TOP1MT: variants seen among roughly 807,000 people sequenced by gnomAD.
TOP1MT encodes the protein DNA topoisomerase I mitochondrial, also known as DNA topoisomerase I, mitochondrial.
Under a neutral mutation model 73.9 loss-of-function variants are expected in TOP1MT, and 80 were observed. That is an observed-to-expected ratio of 1.08 (90% CI 0.90 to 1.30). The LOEUF (loss-of-function observed/expected upper bound fraction) is 1.30. TOP1MT is among the 50% of genes most tolerant of loss of function. TOP1MT has a pLI of 0.00. For missense variants in TOP1MT, 815 were observed against 808.0 expected (o/e 1.01, Z -0.10); for synonymous variants, 338 against 326.4 (o/e 1.04, Z -0.38).
chr8:143,353,707 A>T (rs906194391), intron 1 of TOP1MT, among the ~76,000 whole-genome samples: 2 of 152,056 alleles, frequency 1.3e-5, no homozygotes, highest in African/African-American at 4.8e-5. Context: ...TTGGGGCCGG[A>T]CATGGTGGCT....
intron 1 of TOP1MT, among the ~76,000 whole-genome samples, chr8:143,352,043 T>C (rs1322416645): frequency 6.6e-6 from 1 of 152,228 alleles, no homozygotes; most frequent in Non-Finnish European, 1.5e-5. Context: ...GATTGTGCCA[T>C]TGCACTGCAG....
upstream of TOP1MT, among the ~76,000 whole-genome samples, chr8:143,347,431 A>G (rs531064804): frequency 2.6e-5 from 4 of 152,342 alleles, no homozygotes; most frequent in East Asian, 3.9e-4. Flanking sequence ...CTGGGATTAC[A>G]GGCATGAGCC....
rs1407445079 is a variant in TOP1MT, at chr8:143,321,656, CCA to C, written c.961-272_961-271del. On this transcript the variant is annotated intron_variant, in intron 7 of 13. Transcript: ENST00000329245. ...CACAGGCACGCCACACACAGGCACG[CCA>C]CACACACGCACGCCACACACGCACG... Among the ~76,000 whole-genome samples the C allele has an allele frequency of 2.4e-3, 194 of 80,334 alleles. 7 individuals are homozygous for C. The highest frequency in any genetic ancestry group is 4.5e-3 in the African/African-American group (96 of 21,526). 52.7% of individuals were successfully genotyped at this position (80,334 alleles called of 152,430 possible). A position where few individuals can be genotyped will look rare whatever the true frequency, so the allele number is the denominator to read the frequency against.
chr8:143,345,278 C>T (rs1222380076), upstream of TOP1MT, among the ~76,000 whole-genome samples: 1 of 152,236 alleles, frequency 6.6e-6, no homozygotes, highest in Non-Finnish European at 1.5e-5. Flanking sequence ...CACAAGCCCA[C>T]TGGCAGCCGA....
chr8:143,321,796 C>CCACACACGCACGCTACA (rs1563758315), intron 7 of TOP1MT, among the ~76,000 whole-genome samples: 1 of 39,552 alleles, frequency 2.5e-5, no homozygotes, highest in Non-Finnish European at 5.5e-5. Context: ...CACACGCACG[C>CCACACACGCACGCTACA]CACACACGCA....
chr8:143,323,086 A>G lies in TOP1MT; in HGVS notation c.960+913T>C, dbSNP rs555096075. 8.5e-3 allele frequency among the ~76,000 whole-genome samples: 1,099 copies of G among 128,998 alleles called. 1 individual carries two copies. Among genetic ancestry groups the G allele is most frequent in the African/African-American group, 0.034 (1,053 of 31,074 alleles). The allele number at this position is 128,998 out of a possible 152,430, so 84.6% of individuals were successfully genotyped here. Reference sequence around the variant, plus strand: ...GGCACACCACACACGCACGCCACACACAGGCATGCCAAACACGCACGCCAC... The same window carrying G: ...GGCACACCACACACGCACGCCACACGCAGGCATGCCAAACACGCACGCCAC... On this transcript the variant is annotated intron_variant, in intron 7 of 13. Coordinates refer to ENST00000329245, the MANE Select transcript of TOP1MT (RefSeq NM_052963.3).
At chr8:143,315,965 G>C (rs905251378) in intron 11 of TOP1MT, 34 bp downstream of exon 11, 3 of 1,613,920 alleles carry the variant, frequency 1.9e-6, no homozygotes, top group Non-Finnish European at 8.5e-7. Flanking sequence ...GGTCCCTTGA[G>C]GGCTGGGCTG....
intron 1 of TOP1MT, among the ~76,000 whole-genome samples, chr8:143,353,039 C>T (rs956291483): frequency 6.6e-6 from 1 of 152,186 alleles, no homozygotes; most frequent in East Asian, 1.9e-4. Context: ...AGCAAAAAGA[C>T]AATCCACAGA....
chr8:143,329,477 G>GGCATCGGAAGACACATC lies in TOP1MT; in HGVS notation c.239-23_239-7dup, dbSNP rs768466254. The GGCATCGGAAGACACATC allele has an allele frequency of 6.8e-6, 11 of 1,606,962 alleles. No individual in the cohort carries two copies. In the South Asian group the frequency reaches 8.9e-5, roughly 13 times the overall value. On this transcript the variant is annotated splice_region_variant and splice_polypyrimidine_tract_variant and intron_variant, in intron 2 of 13. Coordinates refer to ENST00000329245, the MANE Select transcript of TOP1MT (RefSeq NM_052963.3). The stretch of plus-strand genomic sequence containing the variant: ...GCTCAATCTCACAGGCCTTCCTGCA[G>GGCATCGGAAGACACATC]GCATCGGAAGACACATCGTATGAGA...
chr8:143,317,928 C>G lies in TOP1MT; in HGVS notation c.1215+90G>C, dbSNP rs749497464. ...GGAAAGGACATGTCAGCCGTTGGGT[C>G]AGGACAAAACCCTGGGCCAGACTCA... is the stretch of plus-strand genomic sequence containing the variant. On this transcript the variant is annotated intron_variant, in intron 9 of 13. Coordinates refer to ENST00000329245, the MANE Select transcript of TOP1MT (RefSeq NM_052963.3). 1.0e-5 allele frequency: 16 copies of G among 1,592,868 alleles called. No homozygotes were observed. The Admixed American group carries it at 2.2e-4, about 22-fold the overall frequency.
At chr8:143,336,555 C>A (rs947379494), upstream of TOP1MT, among the ~76,000 whole-genome samples, 1 of 152,172 alleles carries the variant, frequency 6.6e-6, no homozygotes, top group African/African-American at 2.4e-5. Context: ...ACCACTGCCT[C>A]TCAACATGGT....
chr8:143,339,663 G>GCCAGCACTGTAGCATTCCCACATTC (rs1260707489), upstream of TOP1MT, among the ~76,000 whole-genome samples: 7 of 152,138 alleles, frequency 4.6e-5, no homozygotes, highest in African/African-American at 7.2e-5. Context: ...GCAGGCAAAG[G>GCCAGCACTGTAGCATTCCCACATTC]CCAGCACTGT....
rs1817092536 is a variant in TOP1MT at position 143,341,929 on chromosome 8, G to A, written c.29+1291C>T. 6.7e-6 allele frequency among the ~76,000 whole-genome samples: 1 copy of A among 149,552 alleles called. No individual in the cohort carries two copies. Among genetic ancestry groups the A allele is most frequent in the African/African-American group, 2.5e-5 (1 of 39,828 alleles). On this transcript the variant is annotated intron_variant, in intron 2 of 5. Transcript: ENST00000518007. The surrounding 1 kb of genome is among the most constrained non-coding windows in gnomAD (Gnocchi z 4.1). ...TCACTCTGTTATTATTATTATTATT[G>A]AGACAGAGTCTCGCTCTGTTATTAT...
rs13272654 is a variant in TOP1MT, at chr8:143,341,073, G to C, written c.29+2147C>G. 0.067 allele frequency among the ~76,000 whole-genome samples: 10,235 copies of C among 152,158 alleles called. 449 individuals are homozygous for C. Among genetic ancestry groups the C allele is most frequent in the Non-Finnish European group, 0.092 (6,284 of 67,998 alleles). On this transcript the variant is annotated intron_variant, in intron 2 of 5. Transcript: ENST00000518007. This position sits in a 1 kb window ranked among gnomAD's most constrained non-coding sequence, Gnocchi z 4.1. ...CGCGCTCCTCCCCAGCTCCCACGGCGGCCCCTGCACTCTTCCGCTCCCCAC... is the reference window on the plus strand; with the variant it reads ...CGCGCTCCTCCCCAGCTCCCACGGCCGCCCCTGCACTCTTCCGCTCCCCAC...
upstream of TOP1MT, among the ~76,000 whole-genome samples, chr8:143,338,939 C>T (rs1450638978): frequency 3.3e-5 from 5 of 152,236 alleles, no homozygotes; most frequent in South Asian, 4.1e-4. Flanking sequence ...GGGGACAGGG[C>T]TTCACGCACT....
At chr8:143,359,511 A>C, upstream of TOP1MT, 1 of 844,108 alleles carries the variant, frequency 1.2e-6, no homozygotes, top group Non-Finnish European at 1.4e-6. Context: ...CCAAGCAGAA[A>C]GTCAGGAGCC....
rs1381180882 is a variant in TOP1MT at position 143,315,709 on chromosome 8, G to A, written c.1553+18C>T. The A allele has an allele frequency of 6.2e-7, 1 of 1,609,906 alleles. No homozygotes were observed. Among genetic ancestry groups the A allele is most frequent in the Non-Finnish European group, 8.5e-7 (1 of 1,176,606 alleles). On this transcript the variant is annotated intron_variant, in intron 12 of 13. Transcript: ENST00000329245. ...GACAGGGCCCCGGGAGAAGGCGTCT[G>A]AGGGCACGGGTACTCACCTCCTGGA...
At chr8:143,309,739 A>G in intron 13 of TOP1MT, 196 bp from the exon 14 acceptor site, 1 of 1,532,374 alleles carries the variant, frequency 6.5e-7, no homozygotes, top group African/African-American at 1.4e-5. Context: ...GGTGTCAAAG[A>G]CAACCTGCTG....
chr8:143,317,943 G>A (rs2129964675), intron 9 of TOP1MT, 75 bp downstream of exon 9: 1 of 1,594,374 alleles, frequency 6.3e-7, no homozygotes, highest in Non-Finnish European at 8.6e-7. Context: ...CAAAACCCTG[G>A]GCCAGACTCA....
Sources: gnomAD v4.1 joint callset for allele counts (sites outside exome capture counted in the v4.1 genomes callset) on GRCh38, gnomAD v4.1.1 for gene constraint, Gnocchi (gnomAD v3.1) non-coding constraint, MANE v1.5 for transcripts, NCBI Gene and HGNC (gene_info 2026-07-23, HGNC 2026-07-21) for gene names.